MSRA: variants seen among roughly 807,000 people sequenced by gnomAD.
The protein encoded by MSRA is mitochondrial peptide methionine sulfoxide reductase.
A neutral mutation model predicts 31.3 loss-of-function variants in MSRA; 54 were observed. The ratio of observed to expected loss-of-function variants is 1.73; its 90% CI spans 1.39 to 2.17. MSRA has a LOEUF of 2.17. MSRA is among the 30% of genes most tolerant of loss of function. The pLI is 0.00. For missense variants in MSRA, 507 were observed against 300.9 expected, an observed-to-expected ratio of 1.69 and a Z score of -5.07; for synonymous variants, 169 against 116.5, an observed-to-expected ratio of 1.45 and a Z score of -2.90.
intron 2 of MSRA, among the ~76,000 whole-genome samples, chr8:10,211,636 G>A (rs1809507127): frequency 6.6e-6 from 1 of 152,070 alleles, no homozygotes; most frequent in Non-Finnish European, 1.5e-5. Flanking sequence ...TGTGTAGTGG[G>A]CATCATTGTG....
intron 4 of MSRA, among the ~76,000 whole-genome samples, chr8:10,308,220 G>T (rs62490323): frequency 5.3e-4 from 80 of 152,326 alleles, no homozygotes; most frequent in Non-Finnish European, 8.7e-4. Context: ...CTGAACCTAT[G>T]TCTTGACTAA....
At chr8:10,218,457 C>CT (rs1810198425) in intron 2 of MSRA, among the ~76,000 whole-genome samples, 1 of 152,042 alleles carries the variant, frequency 6.6e-6, no homozygotes, top group Non-Finnish European at 1.5e-5. Flanking sequence ...GGTTCCTTTT[C>CT]TTTTGGTGAA....
At chr8:10,374,681 A>G (rs562688853) in intron 5 of MSRA, among the ~76,000 whole-genome samples, 1 of 152,016 alleles carries the variant, frequency 6.6e-6, no homozygotes, top group Non-Finnish European at 1.5e-5. Context: ...TTCCCCCTCA[A>G]TTTTGCCTTT....
intron 5 of MSRA, among the ~76,000 whole-genome samples, chr8:10,408,690 A>G (rs1807969833): frequency 6.6e-6 from 1 of 152,206 alleles, no homozygotes; most frequent in Non-Finnish European, 1.5e-5. Flanking sequence ...TATCACCCAA[A>G]TAATGTACCT....
intron 5 of MSRA, among the ~76,000 whole-genome samples, chr8:10,417,254 C>T (rs2129192496): frequency 6.6e-6 from 1 of 152,270 alleles, no homozygotes. Context: ...TTTGAACGCG[C>T]TCCTTGTCAT....
intron 2 of MSRA, among the ~76,000 whole-genome samples, chr8:10,209,698 G>A (rs905162938): frequency 1.3e-5 from 2 of 152,194 alleles, no homozygotes; most frequent in Non-Finnish European, 2.9e-5. Context: ...GCTGACAGGT[G>A]AACTCTAAGG....
At chr8:10,115,776 C>T (rs1800631751) in intron 1 of MSRA, among the ~76,000 whole-genome samples, 1 of 152,194 alleles carries the variant, frequency 6.6e-6, no homozygotes, top group Admixed American at 6.5e-5. Context: ...TCATCTTAGT[C>T]ACTGCTGTAT....
intron 1 of MSRA, among the ~76,000 whole-genome samples, chr8:10,164,958 G>A (rs2129043828): frequency 6.6e-6 from 1 of 152,298 alleles, no homozygotes; most frequent in East Asian, 1.9e-4. Flanking sequence ...AACCTGGGAG[G>A]TGGAGGTTGC....
intron 5 of MSRA, among the ~76,000 whole-genome samples, chr8:10,365,454 G>T (rs1301927857): frequency 1.3e-5 from 2 of 152,186 alleles, no homozygotes; most frequent in Non-Finnish European, 2.9e-5. Context: ...TATGCATCAG[G>T]TTTTAAAATT....
At chr8:10,207,288 C>T (rs964933315) in intron 1 of MSRA, among the ~76,000 whole-genome samples, 1 of 152,140 alleles carries the variant, frequency 6.6e-6, no homozygotes, top group Non-Finnish European at 1.5e-5. Context: ...CTCTCTGGCT[C>T]TTAAGGAGGC....
chr8:10,377,196 A>T (rs1805804986), intron 5 of MSRA, among the ~76,000 whole-genome samples: 1 of 152,264 alleles, frequency 6.6e-6, no homozygotes, highest in Non-Finnish European at 1.5e-5. Flanking sequence ...GGTGGAACTA[A>T]CCAGAGGGTG....
chr8:10,416,967 T>G (rs1203622542), intron 5 of MSRA, among the ~76,000 whole-genome samples: 1 of 152,150 alleles, frequency 6.6e-6, no homozygotes, highest in Non-Finnish European at 1.5e-5. Context: ...GTGATTTACC[T>G]CGAGGGTGCA....
At chr8:10,415,354 T>C (rs185368333) in intron 5 of MSRA, among the ~76,000 whole-genome samples, 6 of 152,306 alleles carry the variant, frequency 3.9e-5, no homozygotes, top group African/African-American at 1.4e-4. Context: ...ACCCACTTCC[T>C]CTGGGTTCCC....
chr8:10,255,356 C>G (rs1242571241), intron 3 of MSRA, among the ~76,000 whole-genome samples: 3 of 152,180 alleles, frequency 2.0e-5, no homozygotes, highest in African/African-American at 7.2e-5. Flanking sequence ...GCCAGGAGCC[C>G]CAGGCAGAGA....
At chr8:10,245,906 A>G (rs926564792) in intron 3 of MSRA, among the ~76,000 whole-genome samples, 1 of 152,226 alleles carries the variant, frequency 6.6e-6, no homozygotes, top group Non-Finnish European at 1.5e-5. Context: ...AATCGGGACC[A>G]TTATTTCAAC....
At chr8:10,160,728 C>T (rs1804564360) in intron 1 of MSRA, among the ~76,000 whole-genome samples, 1 of 152,046 alleles carries the variant, frequency 6.6e-6, no homozygotes, top group African/African-American at 2.4e-5. Flanking sequence ...CAGGATTTCA[C>T]CATCTTGGCC....
At chr8:10,078,819 G>A (rs1798130503) in intron 1 of MSRA, among the ~76,000 whole-genome samples, 1 of 152,182 alleles carries the variant, frequency 6.6e-6, no homozygotes, top group African/African-American at 2.4e-5. Flanking sequence ...CTTTCCTTAA[G>A]GCAGTCCAAG....
chr8:10,416,103 C>T (rs535813812), intron 5 of MSRA, among the ~76,000 whole-genome samples: 1 of 152,108 alleles, frequency 6.6e-6, no homozygotes, highest in Non-Finnish European at 1.5e-5. Flanking sequence ...TCCCCAGCAC[C>T]TGGCACGGCA....
intron 2 of MSRA, among the ~76,000 whole-genome samples, chr8:10,217,864 G>A (rs977512756): frequency 3.3e-5 from 5 of 152,132 alleles, no homozygotes; most frequent in African/African-American, 7.2e-5. Flanking sequence ...GCCAGATCGC[G>A]TATACATTGC....
Sources: allele counts gnomAD v4.1 joint callset (sites outside exome capture counted in the v4.1 genomes callset), GRCh38; gene constraint gnomAD v4.1.1; transcripts MANE v1.5; gene names NCBI Gene and HGNC (gene_info 2026-07-23, HGNC 2026-07-21).